PSG11: variants seen among roughly 807,000 people sequenced by gnomAD.
The protein encoded by PSG11 is pregnancy-specific beta-1-glycoprotein 11.
Under a neutral mutation model 36.0 loss-of-function variants are expected in PSG11, and 42 were observed. The ratio of observed to expected loss-of-function variants is 1.17; its 90% CI spans 0.91 to 1.51. PSG11 has a LOEUF of 1.51. Among genes scored for constraint, PSG11 ranks in the 40% most tolerant of loss-of-function variants. The pLI is 0.00. For missense variants in PSG11, 558 were observed against 403.5 expected (o/e 1.38, Z -3.28); for synonymous variants, 206 against 153.5 (o/e 1.34, Z -2.53).
intron 3 of PSG11, among the ~76,000 whole-genome samples, chr19:43,015,584 C>T (rs1343545464): frequency 6.6e-6 from 1 of 151,402 alleles, no homozygotes; most frequent in Non-Finnish European, 1.5e-5. Flanking sequence ...AGAGCATCCC[C>T]TCTCCTTATA....
At chr19:43,010,259 A>G in intron 4 of PSG11, 1 of 1,456,152 alleles carries the variant, frequency 6.9e-7, no homozygotes. Flanking sequence ...TCAATTCTCT[A>G]CTGCACTCAG....
chr19:43,023,190 G>T (rs1484823132), intron 2 of PSG11, among the ~76,000 whole-genome samples: 1 of 150,484 alleles, frequency 6.6e-6, no homozygotes, highest in South Asian at 2.1e-4. Context: ...GTGGGGGGAT[G>T]AAACATGGGT....
intron 4 of PSG11, among the ~76,000 whole-genome samples, chr19:43,011,228 A>G (rs1974069840): frequency 6.6e-6 from 1 of 151,236 alleles, no homozygotes; most frequent in Non-Finnish European, 1.5e-5. Context: ...AACCTTTAAA[A>G]GAATGGTACG....
intron 5 of PSG11, among the ~76,000 whole-genome samples, chr19:43,009,078 T>C (rs1974005479): frequency 6.6e-6 from 1 of 151,248 alleles, no homozygotes; most frequent in African/African-American, 2.4e-5. Flanking sequence ...TTTGGTATCA[T>C]GATTATTTTC....
rs746796764 is a variant in PSG11 at position 43,016,005 on chromosome 19, G to T, written c.710-635C>A. ...TTAAGACATCCTTATTCTCCCTGGG[G>T]TTTAAGTTGTTGATGGTGATGTAGG... On this transcript the variant is annotated intron_variant, in intron 3 of 5. Coordinates refer to ENST00000320078, the MANE Select transcript of PSG11 (RefSeq NM_002785.3). 2.2e-5 allele frequency: 36 copies of T among 1,610,252 alleles called. 2 individuals are homozygous for T. Among genetic ancestry groups the T allele is most frequent in the East Asian group, 4.5e-5 (2 of 44,790 alleles).
At position 43,024,836 on chromosome 19, in the gene PSG11, G is replaced by T. The variant is rs143606670; in HGVS notation, c.285C>A (p.Tyr95Ter). 6.2e-7 allele frequency: 1 copy of T among 1,611,966 alleles called. No homozygotes were observed. Among genetic ancestry groups the T allele is most frequent in the Non-Finnish European group, 8.5e-7 (1 of 1,179,112 alleles). The change falls in exon 2 of 6, where the codon TAC becomes TAA. Residue 95 changes from tyrosine (Y) to a stop codon, truncating the protein, a stop_gained. Coordinates refer to ENST00000320078, the MANE Select transcript of PSG11 (RefSeq NM_002785.3). LOFTEE classifies it high-confidence loss of function. ...DGQIIIYGPAYSGRETVYSNA... is the reference protein window; with the variant it reads ...DGQIIIYGPA ...TGGAATATACTGTTTCTCGTCCACT[G>T]TATGCCGGTCCATATATAATTATTT...
chr19:43,023,013 G>A (rs1468689841), intron 2 of PSG11, among the ~76,000 whole-genome samples: 2 of 150,694 alleles, frequency 1.3e-5, no homozygotes, highest in South Asian at 2.1e-4. Context: ...GCAGAGAGAG[G>A]CAGAGACACC....
chr19:43,010,544 C>G lies in PSG11; in HGVS notation c.965-503G>C, dbSNP rs190912162. 112 of 569,980 alleles carry G rather than the reference C, an allele frequency of 2.0e-4. 2 individuals carry two copies. Among genetic ancestry groups the G allele is most frequent in the African/African-American group, 1.7e-3 (86 of 51,252 alleles). The allele number at this position is 569,980 out of a possible 1,614,324, so 35.3% of individuals were successfully genotyped here. A position where few individuals can be genotyped will look rare whatever the true frequency, so the allele number is the denominator to read the frequency against. ...TGAAAGCAAGCCTAGTTCTCTGAGGCTCTCTTTAACGCTAATGGGTGACTG... is the reference window on the plus strand; with the variant it reads ...TGAAAGCAAGCCTAGTTCTCTGAGGGTCTCTTTAACGCTAATGGGTGACTG... On this transcript the variant is annotated intron_variant, in intron 4 of 5. Transcript: ENST00000320078.
intron 4 of PSG11, 168 bp from the exon 5 acceptor site, chr19:43,010,209 T>C (rs146307156): frequency 0.012 from 17,778 of 1,452,620 alleles, 487 homozygotes; most frequent in Non-Finnish European, 0.014. Context: ...CAGTTTTTTT[T>C]CCCTCTCACC....
At chr19:43,025,834 G>C (rs1222742066) in intron 1 of PSG11, among the ~76,000 whole-genome samples, 1 of 146,260 alleles carries the variant, frequency 6.8e-6, no homozygotes, top group Non-Finnish European at 1.5e-5. Context: ...ACCAATTCCG[G>C]TTCAATGTGA....
intron 3 of PSG11, chr19:43,017,431 G>C (rs377175066): frequency 6.6e-6 from 1 of 151,152 alleles, no homozygotes; most frequent in Non-Finnish European, 1.5e-5. Context: ...TTCTAGCTTG[G>C]TGATTAGTTT....
At chr19:43,020,691 T>C (rs1313801568) in intron 2 of PSG11, among the ~76,000 whole-genome samples, 2 of 151,244 alleles carry the variant, frequency 1.3e-5, no homozygotes, top group African/African-American at 4.9e-5. Context: ...AATTAGCAGC[T>C]CCTTAAGTAG....
At chr19:43,020,157 A>G (rs775812083) in intron 2 of PSG11, among the ~76,000 whole-genome samples, 35 of 151,470 alleles carry the variant, frequency 2.3e-4, no homozygotes, top group Middle Eastern at 3.4e-3. Flanking sequence ...AGGAGGTTCT[A>G]GAGATCTCCT....
At chr19:43,020,672 G>T (rs1401372298) in intron 2 of PSG11, among the ~76,000 whole-genome samples, 2 of 151,346 alleles carry the variant, frequency 1.3e-5, no homozygotes, top group East Asian at 3.9e-4. Flanking sequence ...GATGCCAAAG[G>T]TGATTTGAAA....
At chr19:43,021,443 C>G (rs916899943) in intron 2 of PSG11, among the ~76,000 whole-genome samples, 1 of 151,360 alleles carries the variant, frequency 6.6e-6, no homozygotes, top group African/African-American at 2.4e-5. Context: ...GCTCCACCTC[C>G]CGGGTTCACA....
chr19:43,016,547 A>G (rs1472210261), intron 3 of PSG11, among the ~76,000 whole-genome samples: 1 of 151,384 alleles, frequency 6.6e-6, no homozygotes, highest in Non-Finnish European at 1.5e-5. Context: ...CTGGCCTGGG[A>G]CTGGATGTTT....
At position 43,017,800 on chromosome 19, in the gene PSG11, G is replaced by T. The variant is rs959783656; in HGVS notation, c.709+970C>A. On this transcript the variant is annotated intron_variant, in intron 3 of 5. Transcript: ENST00000320078. Reference sequence around the variant, plus strand: ...TAATTTCTTTCAGCAATGTTTTGTAGTTTTCAAGGTATAATCATTTGACCT... The same window carrying T: ...TAATTTCTTTCAGCAATGTTTTGTATTTTTCAAGGTATAATCATTTGACCT... 1.1e-4 allele frequency among the ~76,000 whole-genome samples: 16 copies of T among 151,400 alleles called. 1 individual carries two copies. The highest frequency in any genetic ancestry group is 3.9e-4 in the African/African-American group (16 of 41,028).
At chr19:43,021,877 A>G (rs1486781424) in intron 2 of PSG11, among the ~76,000 whole-genome samples, 3 of 151,364 alleles carry the variant, frequency 2.0e-5, no homozygotes, top group Non-Finnish European at 4.4e-5. Flanking sequence ...CCAGCCTCTG[A>G]CACCCTGGTG....
chr19:43,020,088 C>T (rs1325290975), intron 2 of PSG11, among the ~76,000 whole-genome samples: 1 of 151,326 alleles, frequency 6.6e-6, no homozygotes, highest in Non-Finnish European at 1.5e-5. Flanking sequence ...TTTCCAGGAG[C>T]TGGGATCAGG....
Sources: gnomAD v4.1 joint callset for allele counts (sites outside exome capture counted in the v4.1 genomes callset) on GRCh38, gnomAD v4.1.1 for gene constraint, MANE v1.5 for transcripts, NCBI Gene and HGNC (gene_info 2026-07-23, HGNC 2026-07-21) for gene names.